The following QSOX2 variants were observed in gnomAD, a reference collection of about 807,000 sequenced individuals.
QSOX2 encodes the protein sulfhydryl oxidase 2.
QSOX2 carries 46 observed loss-of-function variants against 61.7 expected under a neutral mutation model. That is an observed-to-expected ratio of 0.75 (90% CI 0.59 to 0.95). The LOEUF (loss-of-function observed/expected upper bound fraction) is 0.95. Among genes scored for constraint, QSOX2 ranks in the 40% least tolerant of loss-of-function variants. The pLI, the probability that QSOX2 is intolerant of heterozygous loss-of-function variation, is 0.00. For synonymous variants in QSOX2, 383 were observed against 388.4 expected, an observed-to-expected ratio of 0.99 and a Z score of 0.16; for missense variants, 879 against 918.9, an observed-to-expected ratio of 0.96 and a Z score of 0.56.
In QSOX2 at chr9:136,214,540, T is replaced by C. The variant is rs139803708; in HGVS notation, c.1360+614A>G. Among the ~76,000 whole-genome samples the C allele has an allele frequency of 6.1e-3, 934 of 152,290 alleles. 5 individuals are homozygous for C. Among genetic ancestry groups the C allele is most frequent in the Non-Finnish European group, 0.01 (712 of 68,016 alleles). On this transcript the variant is annotated intron_variant, in intron 10 of 11. Transcript: ENST00000358701. ...CTGCAGTCAACAGCCAGCATGGAGC[T>C]CAGGGCCTTAGGCAAGCCACGTGCA...
Position 136,211,373 on chromosome 9 carries a change from A to G in QSOX2, c.1440T>C (p.Gly480=). 6.2e-7 allele frequency: 1 copy of G among 1,614,196 alleles called. No individual in the cohort carries two copies. Among genetic ancestry groups the G allele is most frequent in the Non-Finnish European group, 8.5e-7 (1 of 1,180,024 alleles). The change falls in exon 11 of 12, where the codon GGT becomes GGC. Residue 480 remains glycine, a synonymous_variant. Coordinates refer to ENST00000358701, the MANE Select transcript of QSOX2 (RefSeq NM_181701.4). Reference sequence around the variant, plus strand: ...CTTTAGCCATTTCCTCAAAGTGCTCACCACATTCCTTACACCCAAAGAAGG... The same window carrying G: ...CTTTAGCCATTTCCTCAAAGTGCTCGCCACATTCCTTACACCCAAAGAAGG... ...VHTFFGCKEC[G]EHFEEMAKES...
intron 2 of QSOX2, among the ~76,000 whole-genome samples, chr9:136,226,376 G>C (rs989813999): frequency 6.6e-6 from 1 of 152,218 alleles, no homozygotes; most frequent in African/African-American, 2.4e-5. Flanking sequence ...GTGCGTGTGT[G>C]TGTGCATGAG....
At chr9:136,216,579 G>A (rs527361778) in intron 9 of QSOX2, 21 bp downstream of exon 9, 4 of 1,612,488 alleles carry the variant, frequency 2.5e-6, no homozygotes, top group Non-Finnish European at 3.4e-6. Flanking sequence ...CAGCGTGGCT[G>A]GCGAGGGTTC....
intron 1 of QSOX2, among the ~76,000 whole-genome samples, chr9:136,229,314 G>A (rs1220007769): frequency 1.3e-5 from 2 of 152,204 alleles, no homozygotes; most frequent in Admixed American, 1.3e-4. Flanking sequence ...AGACGGCACG[G>A]GACGCGGAAA....
In QSOX2 at chr9:136,241,308, GC is replaced by G. The variant is rs542949044; in HGVS notation, c.328+4167del. On this transcript the variant is annotated intron_variant, in intron 1 of 11. Transcript: ENST00000358701. ...ACCTGGCAGCTCTCACGGGCCGTCAGCCCCGCCAAATGCCCGCTGACACCTG... is the reference window on the plus strand; with the variant it reads ...ACCTGGCAGCTCTCACGGGCCGTCAGCCCGCCAAATGCCCGCTGACACCTG... 1.8e-3 allele frequency among the ~76,000 whole-genome samples: 274 copies of G among 152,322 alleles called. 1 individual carries two copies. The highest frequency in any genetic ancestry group is 6.5e-3 in the African/African-American group (271 of 41,564).
In QSOX2 at chr9:136,224,052, G is replaced by T; in HGVS notation, c.539C>A (p.Thr180Lys). 6.2e-7 allele frequency: 1 copy of T among 1,614,062 alleles called. No homozygotes were observed. The highest frequency in any genetic ancestry group is 8.5e-7 in the Non-Finnish European group (1 of 1,180,010). The change falls in exon 4 of 12, where the codon ACG becomes AAG. Residue 180 changes from threonine (T) to lysine (K), a missense_variant. Transcript: ENST00000358701. Reference sequence around the variant, plus strand: ...GCAGGCAGGGGGCCGGCTTCCTTCCGTGTGGTTCTGCAGGAAGTCAATCAT... The same window carrying T: ...GCAGGCAGGGGGCCGGCTTCCTTCCTTGTGGTTCTGCAGGAAGTCAATCAT... ...QTMIDFLQNHTEGSRPPACPR... is the reference protein window; with the variant it reads ...QTMIDFLQNHKEGSRPPACPR...
chr9:136,223,767 C>A lies in QSOX2; in HGVS notation c.671G>T (p.Arg224Leu). The A allele has an allele frequency of 1.2e-6, 2 of 1,613,670 alleles. No homozygotes were observed. The highest frequency in any genetic ancestry group is 1.7e-6 in the Non-Finnish European group (2 of 1,179,754). ...GAGCCCACGCAGAGGCCGTACCTCC[C>A]GTCCAAGGTAGGAGCTGTTGCTTTC... ...VFESNSSYLG[R>L]EVILDLIPYE... The change falls in exon 5 of 12, where the codon CGG becomes CTG. Residue 224 changes from arginine (R) to leucine (L), a missense_variant. Physicochemically the swap from Arg to Leu is moderately radical, Grantham distance 102 (BLOSUM62 -2). Coordinates refer to ENST00000358701, the MANE Select transcript of QSOX2 (RefSeq NM_181701.4). This position sits in a 1 kb window ranked among gnomAD's most constrained non-coding sequence, Gnocchi z 4.4.
intron 1 of QSOX2, among the ~76,000 whole-genome samples, chr9:136,237,610 A>G (rs1487303729): frequency 2.7e-4 from 29 of 109,070 alleles, no homozygotes; most frequent in African/African-American, 8.0e-4. Context: ...CCTGGAGCCC[A>G]TCCTGGGCCA....
intron 1 of QSOX2, among the ~76,000 whole-genome samples, chr9:136,240,405 T>C (rs1004293961): frequency 5.9e-5 from 9 of 152,276 alleles, no homozygotes; most frequent in Non-Finnish European, 1.0e-4. Flanking sequence ...TAGAAAATGA[T>C]TACAGTAAAG....
intron 2 of QSOX2, 146 bp from the exon 3 acceptor site, chr9:136,225,055 T>C: frequency 1.7e-6 from 1 of 579,312 alleles, no homozygotes; most frequent in South Asian, 2.2e-5. Context: ...AACCACACGC[T>C]TCTCCTTGTC....
intron 1 of QSOX2, among the ~76,000 whole-genome samples, chr9:136,237,524 A>ACACCTGGAGCCCGTCCTGTGCCGGCGC (rs1830397462): frequency 3.3e-5 from 1 of 30,278 alleles, no homozygotes; most frequent in Non-Finnish European, 6.2e-5. Context: ...TGTGCCGGCG[A>ACACCTGGAGCCCGTCCTGTGCCGGCGC]CACCTGGAGC....
intron 1 of QSOX2, among the ~76,000 whole-genome samples, chr9:136,239,668 G>A (rs1160690037): frequency 6.6e-6 from 1 of 152,268 alleles, no homozygotes; most frequent in Non-Finnish European, 1.5e-5. Flanking sequence ...ACCTGCCTCA[G>A]TAGAGCTACG....
At chr9:136,243,286 C>CT (rs1830446935) in intron 1 of QSOX2, among the ~76,000 whole-genome samples, 1 of 152,204 alleles carries the variant, frequency 6.6e-6, no homozygotes. Flanking sequence ...TAGGTCTTTC[C>CT]TGGATCTAGG....
At chr9:136,218,353 G>C (rs1831938042) in intron 8 of QSOX2, among the ~76,000 whole-genome samples, 1 of 152,162 alleles carries the variant, frequency 6.6e-6, no homozygotes, top group Non-Finnish European at 1.5e-5. Flanking sequence ...TCCTCTGAGA[G>C]CCAGCTGAGG....
At chr9:136,213,950 C>T (rs1831879039) in intron 10 of QSOX2, among the ~76,000 whole-genome samples, 1 of 136,680 alleles carries the variant, frequency 7.3e-6, no homozygotes, top group Non-Finnish European at 1.6e-5. Flanking sequence ...AACTGCTGAT[C>T]CACAGCATGA....
At chr9:136,235,558 T>C (rs1341057227) in intron 1 of QSOX2, among the ~76,000 whole-genome samples, 2 of 152,216 alleles carry the variant, frequency 1.3e-5, no homozygotes, top group Non-Finnish European at 2.9e-5. Context: ...ACTTTGTTCT[T>C]TGTCTCAACA....
At chr9:136,215,060 C>T in intron 10 of QSOX2, 94 bp downstream of exon 10, 1 of 1,421,810 alleles carries the variant, frequency 7.0e-7, no homozygotes, top group East Asian at 2.4e-5. Context: ...GACATGCTGC[C>T]TCCCATACAG....
intron 1 of QSOX2, among the ~76,000 whole-genome samples, chr9:136,232,917 C>CAAAA (rs60814748): frequency 2.2e-5 from 1 of 45,472 alleles, no homozygotes; most frequent in Non-Finnish European, 4.6e-5. Flanking sequence ...GAACCTGTCT[C>CAAAA]AAAAAAAAAA....
intron 1 of QSOX2, among the ~76,000 whole-genome samples, chr9:136,237,338 C>T (rs1830394135): frequency 7.6e-6 from 1 of 131,802 alleles, no homozygotes; most frequent in African/African-American, 2.9e-5. Context: ...TGCTCTGGGC[C>T]GGCGTCACTT....
Sources: gnomAD v4.1 joint callset for allele counts (sites outside exome capture counted in the v4.1 genomes callset) on GRCh38, gnomAD v4.1.1 for gene constraint, Gnocchi (gnomAD v3.1) non-coding constraint, MANE v1.5 for transcripts, NCBI Gene and HGNC (gene_info 2026-07-23, HGNC 2026-07-21) for gene names.